The following TLL2 variants were observed in gnomAD, a reference collection of about 807,000 sequenced individuals.
TLL2 encodes the protein tolloid-like protein 2.
TLL2 carries 106 observed loss-of-function variants against 123.0 expected under a neutral mutation model. The ratio of observed to expected loss-of-function variants is 0.86; its 90% CI spans 0.74 to 1.01. TLL2 has a LOEUF of 1.01. Ranked by LOEUF, TLL2 falls within the 50% of genes least tolerant of loss-of-function variation. TLL2 has a pLI of 0.00. For synonymous variants in TLL2, 494 were observed against 516.8 expected (o/e 0.96, Z 0.60); for missense variants, 1,332 against 1,336.7 (o/e 1.00, Z 0.06).
rs749735263 is a variant in TLL2 at position 96,368,044 on chromosome 10, AAAC to A, written c.*41_*43del. 3 of 1,609,642 alleles carry A rather than the reference AAAC, an allele frequency of 1.9e-6. No individual in the cohort carries two copies. In the Admixed American group the frequency reaches 5.0e-5, roughly 27 times the overall value. ...TGCTATTGTTGTTAAAAACAAAACA[AAAC>A]AAAAAAAATTCTCAGTTTCTGTCTT... is the stretch of plus-strand genomic sequence containing the variant. On this transcript the variant is annotated 3_prime_UTR_variant, in exon 21 of 21. Transcript: ENST00000357947.
chr10:96,445,617 G>A (rs1056572160), intron 3 of TLL2, among the ~76,000 whole-genome samples: 1 of 152,082 alleles, frequency 6.6e-6, no homozygotes, highest in Non-Finnish European at 1.5e-5. Flanking sequence ...AGTTCTCAAA[G>A]CCACATTATT....
intron 12 of TLL2, 43 bp downstream of exon 12, chr10:96,395,832 A>T: frequency 6.2e-7 from 1 of 1,606,910 alleles, no homozygotes; most frequent in South Asian, 1.1e-5. Context: ...ATGTCTAGCA[A>T]AAGTTGCCGT....
In TLL2 at chr10:96,379,064, G is replaced by A. The variant is rs759436934; in HGVS notation, c.2223C>T (p.Gly741=). 6.8e-6 allele frequency: 11 copies of A among 1,614,130 alleles called. No homozygotes were observed. The highest frequency in any genetic ancestry group is 1.6e-4 in the Middle Eastern group (1 of 6,062). Residue 741 remains glycine (G), a synonymous_variant, in exon 17 of 21, where the codon GGC becomes GGT. Transcript: ENST00000357947. The part of the protein sequence containing the change: ...SDKDECAKDN[G]GCQHECVNTF... ...TGTTGACGCACTCATGCTGACACCC[G>A]CCGTTGTCCTTGGCACACTCGTCCT...
intron 2 of TLL2, among the ~76,000 whole-genome samples, chr10:96,465,362 A>G (rs562170227): frequency 6.6e-6 from 1 of 152,340 alleles, no homozygotes; most frequent in Admixed American, 6.5e-5. Flanking sequence ...TGGAGCAGGA[A>G]GAATCTGTCT....
chr10:96,394,613 T>A (rs939860027), intron 13 of TLL2, among the ~76,000 whole-genome samples: 1 of 152,200 alleles, frequency 6.6e-6, no homozygotes, highest in Non-Finnish European at 1.5e-5. Context: ...GGGGCACTGA[T>A]GTTCCAGGAG....
At chr10:96,453,463 T>C (rs1846981411) in intron 2 of TLL2, among the ~76,000 whole-genome samples, 1 of 151,818 alleles carries the variant, frequency 6.6e-6, no homozygotes, top group Admixed American at 6.6e-5. Flanking sequence ...CTCAAAAAAA[T>C]AAAATAAAAA....
chr10:96,488,550 CCACGTG>C (rs1215447742), intron 1 of TLL2, among the ~76,000 whole-genome samples: 2 of 152,198 alleles, frequency 1.3e-5, no homozygotes, highest in Non-Finnish European at 2.9e-5. Context: ...TCCAAGAAGG[CCACGTG>C]CCCTTCACTC....
intron 1 of TLL2, among the ~76,000 whole-genome samples, chr10:96,495,379 C>T (rs924935677): frequency 2.0e-5 from 3 of 152,064 alleles, no homozygotes; most frequent in African/African-American, 7.2e-5. Context: ...AGTGTATGTA[C>T]AAACAAACAG....
chr10:96,469,610 G>GA (rs1847159782), intron 2 of TLL2, among the ~76,000 whole-genome samples: 1 of 151,788 alleles, frequency 6.6e-6, no homozygotes, highest in African/African-American at 2.4e-5. Flanking sequence ...GCCATGAGAG[G>GA]GCAGTGGCTC....
intron 5 of TLL2, among the ~76,000 whole-genome samples, chr10:96,425,523 T>C (rs1279173507): frequency 1.3e-5 from 2 of 151,856 alleles, no homozygotes; most frequent in Non-Finnish European, 2.9e-5. Flanking sequence ...TTTTTTTAGG[T>C]TCCTTGGAGT....
chr10:96,410,336 T>G, intron 9 of TLL2, 23 bp downstream of exon 9: 1 of 1,589,290 alleles, frequency 6.3e-7, no homozygotes, highest in Non-Finnish European at 8.6e-7. Flanking sequence ...CCGTCCCATT[T>G]GCCAAGGGGG....
chr10:96,404,506 T>C (rs183387421), intron 10 of TLL2, among the ~76,000 whole-genome samples: 185 of 152,332 alleles, frequency 1.2e-3, no homozygotes, highest in African/African-American at 4.4e-3. Context: ...TAATTTTACT[T>C]GAGATTTATA....
chr10:96,394,539 T>TTG (rs969616811), intron 13 of TLL2, among the ~76,000 whole-genome samples: 7 of 152,164 alleles, frequency 4.6e-5, no homozygotes, highest in Non-Finnish European at 8.8e-5. Context: ...GGAAATTTGT[T>TTG]CCCAGAGTGC....
chr10:96,426,977 C>A (rs760370652), intron 5 of TLL2, among the ~76,000 whole-genome samples: 2 of 152,070 alleles, frequency 1.3e-5, no homozygotes, highest in East Asian at 3.9e-4. Flanking sequence ...CTATTGTCAA[C>A]GGGTGATGTG....
rs114384339 is a variant in TLL2, at chr10:96,455,625, C to T, written c.287-9457G>A. Among the ~76,000 whole-genome samples, 745 of 152,340 alleles carry T rather than the reference C, an allele frequency of 4.9e-3. 10 individuals carry two copies. The highest frequency in any genetic ancestry group is 0.017 in the African/African-American group (698 of 41,570). On this transcript the variant is annotated intron_variant, in intron 2 of 20. Transcript: ENST00000357947. Reference sequence around the variant, plus strand: ...CCTCACTGCTACACTCCCACCAGCACCGTGATAATTTACAAATGCCATGGC... The same window carrying T: ...CCTCACTGCTACACTCCCACCAGCATCGTGATAATTTACAAATGCCATGGC...
At chr10:96,447,566 C>T (rs557097857) in intron 2 of TLL2, among the ~76,000 whole-genome samples, 1 of 152,190 alleles carries the variant, frequency 6.6e-6, no homozygotes, top group East Asian at 1.9e-4. Flanking sequence ...AGACAGGGGC[C>T]ACCAATGCCA....
chr10:96,406,702 A>G lies in TLL2; in HGVS notation c.1165-1368T>C, dbSNP rs1589414393. On this transcript the variant is annotated intron_variant, in intron 9 of 20. Coordinates refer to ENST00000357947, the MANE Select transcript of TLL2 (RefSeq NM_012465.4). ...TTTCTGGTTTTCACCACACTGGCCT[A>G]TCTTCTCCCCACTGCTCTTGCTCCT... Among the ~76,000 whole-genome samples the G allele has an allele frequency of 3.3e-5, 5 of 151,876 alleles. No individual in the cohort carries two copies. The South Asian group carries it at 8.3e-4, about 25-fold the overall frequency.
chr10:96,496,605 C>T (rs1185267903), intron 1 of TLL2, among the ~76,000 whole-genome samples: 6 of 152,190 alleles, frequency 3.9e-5, no homozygotes, highest in East Asian at 1.9e-4. Context: ...TCTCCTGCCT[C>T]GCCTCCTCAT....
intron 13 of TLL2, among the ~76,000 whole-genome samples, chr10:96,390,147 C>G (rs1846272917): frequency 1.3e-5 from 2 of 152,170 alleles, no homozygotes; most frequent in Admixed American, 1.3e-4. Context: ...TTCTCATGGT[C>G]CAGGTGGAAT....
Sources: gnomAD v4.1 joint callset for allele counts (sites outside exome capture counted in the v4.1 genomes callset) on GRCh38, gnomAD v4.1.1 for gene constraint, MANE v1.5 for transcripts, NCBI Gene and HGNC (gene_info 2026-07-23, HGNC 2026-07-21) for gene names.